EIF3K: variants seen among roughly 807,000 people sequenced by gnomAD.
EIF3K encodes the protein eukaryotic translation initiation factor 3 subunit K.
Under a neutral mutation model 34.2 loss-of-function variants are expected in EIF3K, and 27 were observed. That is an observed-to-expected ratio of 0.79 (90% CI 0.58 to 1.09). The LOEUF (loss-of-function observed/expected upper bound fraction) is 1.09. Ranked by LOEUF, EIF3K falls within the 50% of genes least tolerant of loss-of-function variation. The pLI is 0.00. For missense variants in EIF3K, 232 were observed against 275.4 expected, an observed-to-expected ratio of 0.84 and a Z score of 1.11; for synonymous variants, 105 against 105.7, an observed-to-expected ratio of 0.99 and a Z score of 0.04.
chr19:38,624,307 G>C, intron 3 of EIF3K, 110 bp downstream of exon 3: 1 of 1,515,940 alleles, frequency 6.6e-7, no homozygotes, highest in East Asian at 2.4e-5. Context: ...ACAAGTGCCT[G>C]CTCTGGTCCA....
chr19:38,631,922 T>G (rs993907757), intron 4 of EIF3K: 31 of 216,856 alleles, frequency 1.4e-4, no homozygotes, highest in Non-Finnish European at 2.3e-4. Context: ...TTAATCCATT[T>G]AACCCTGAGT....
At chr19:38,628,955 T>C (rs1976004404) in intron 4 of EIF3K, among the ~76,000 whole-genome samples, 1 of 152,210 alleles carries the variant, frequency 6.6e-6, no homozygotes, top group Non-Finnish European at 1.5e-5. Context: ...CCTCAACTTA[T>C]GATCTGGCTT....
intron 1 of EIF3K, among the ~76,000 whole-genome samples, chr19:38,619,678 G>T (rs1308836091): frequency 6.6e-6 from 1 of 152,320 alleles, no homozygotes; most frequent in African/African-American, 2.4e-5. Context: ...TTGCCTTAAG[G>T]TTTCCTTCTC....
intron 7 of EIF3K, chr19:38,635,344 T>C: frequency 1.6e-6 from 1 of 609,986 alleles, no homozygotes; most frequent in Non-Finnish European, 2.8e-6. Flanking sequence ...TCCTGCCCCA[T>C]AGCACTCAGC....
intron 1 of EIF3K, 137 bp from the exon 2 acceptor site, chr19:38,620,200 C>G: frequency 1.0e-5 from 7 of 675,274 alleles, no homozygotes; most frequent in Non-Finnish European, 1.8e-5. Flanking sequence ...AATTCACTAC[C>G]TGGATAGAGC....
intron 4 of EIF3K, among the ~76,000 whole-genome samples, chr19:38,629,311 T>G (rs941224695): frequency 7.1e-6 from 1 of 141,746 alleles, no homozygotes; most frequent in African/African-American, 2.6e-5. Flanking sequence ...GTTTTGTTTT[T>G]TGAGACAGGG....
At chr19:38,628,200 G>C (rs535605535) in intron 4 of EIF3K, among the ~76,000 whole-genome samples, 1 of 151,550 alleles carries the variant, frequency 6.6e-6, no homozygotes, top group Non-Finnish European at 1.5e-5. Context: ...CACCACGCCC[G>C]GACCTCTGAG....
At chr19:38,624,978 C>T (rs998657266) in intron 3 of EIF3K, among the ~76,000 whole-genome samples, 2 of 152,050 alleles carry the variant, frequency 1.3e-5, no homozygotes, top group African/African-American at 4.8e-5. Context: ...AAACCAGGGC[C>T]TCCTGGAGGA....
At position 38,635,129 on chromosome 19, in the gene EIF3K, A is replaced by G; in HGVS notation, c.625+11A>G. 10 of 1,614,136 alleles carry G rather than the reference A, an allele frequency of 6.2e-6. No homozygotes were observed. The highest frequency in any genetic ancestry group is 8.5e-6 in the Non-Finnish European group (10 of 1,180,038). ...AGATTGACTTTGACAGTGAGTGGTG[A>G]CCCACGGCCTCGGGCTTTGGGGCTA... On this transcript the variant is annotated intron_variant, in intron 7 of 7. Transcript: ENST00000248342.
intron 1 of EIF3K, 62 bp from the exon 2 acceptor site, chr19:38,620,275 C>A: frequency 1.4e-6 from 2 of 1,446,614 alleles, no homozygotes; most frequent in Non-Finnish European, 1.9e-6. Context: ...CCCCTTGCTC[C>A]ATAAGGTGGC....
intron 4 of EIF3K, among the ~76,000 whole-genome samples, chr19:38,629,570 C>T (rs1976018622): frequency 6.6e-6 from 1 of 152,190 alleles, no homozygotes; most frequent in South Asian, 2.1e-4. Flanking sequence ...GCTGGGATTA[C>T]AGGTTGAGCC....
rs1975945869 is a variant in EIF3K at position 38,626,122 on chromosome 19, G to A, written c.354+20G>A. The A allele has an allele frequency of 1.9e-6, 3 of 1,611,954 alleles. No individual in the cohort carries two copies. Among genetic ancestry groups the A allele is most frequent in the South Asian group, 2.2e-5 (2 of 91,054 alleles). Reference sequence around the variant, plus strand: ...TTCTGGGTAACTTCCCTGGGGTCCAGGGGCAGGGGAGATGGCAGGGCCATG... The same window carrying A: ...TTCTGGGTAACTTCCCTGGGGTCCAAGGGCAGGGGAGATGGCAGGGCCATG... On this transcript the variant is annotated intron_variant, in intron 4 of 7. Coordinates refer to ENST00000248342, the MANE Select transcript of EIF3K (RefSeq NM_013234.4).
chr19:38,635,395 T>C (rs990398871), intron 7 of EIF3K: 3 of 499,704 alleles, frequency 6.0e-6, no homozygotes, highest in Non-Finnish European at 1.1e-5. Flanking sequence ...AGGGGGTCTC[T>C]GCACCCTTAT....
intron 6 of EIF3K, among the ~76,000 whole-genome samples, chr19:38,634,554 C>T (rs1220965171): frequency 1.3e-5 from 2 of 151,428 alleles, no homozygotes; most frequent in African/African-American, 2.4e-5. Flanking sequence ...GCCGAGATTG[C>T]GCCATTGCAC....
intron 4 of EIF3K, among the ~76,000 whole-genome samples, chr19:38,629,010 C>G (rs906056945): frequency 6.6e-6 from 1 of 152,132 alleles, no homozygotes; most frequent in Admixed American, 6.6e-5. Flanking sequence ...GAAATTGCAC[C>G]TGTTCCTATC....
Position 38,630,227 on chromosome 19 carries a change from C to T in EIF3K, c.355-2203C>T, listed in dbSNP as rs373629027. 1.1e-4 allele frequency among the ~76,000 whole-genome samples: 16 copies of T among 150,602 alleles called. No individual in the cohort carries two copies. The East Asian group carries it at 2.1e-3, about 20-fold the overall frequency. On this transcript the variant is annotated intron_variant, in intron 4 of 7. Transcript: ENST00000248342. ...AGAGTGCAGTGATATGATCTTGGCTCGCTGCAACCTCTGCCTCCCAGGTTC... is the reference window on the plus strand; with the variant it reads ...AGAGTGCAGTGATATGATCTTGGCTTGCTGCAACCTCTGCCTCCCAGGTTC...
intron 2 of EIF3K, among the ~76,000 whole-genome samples, chr19:38,620,881 C>T (rs181828021): frequency 7.4e-5 from 11 of 148,878 alleles, no homozygotes; most frequent in African/African-American, 2.0e-4. Context: ...GCAACAAGAC[C>T]GAAACTCCGT....
intron 6 of EIF3K, among the ~76,000 whole-genome samples, chr19:38,634,763 C>A (rs756463353): frequency 2.6e-5 from 4 of 152,190 alleles, no homozygotes; most frequent in Non-Finnish European, 5.9e-5. Flanking sequence ...AGAAGCCCCA[C>A]GATGAGGCTG....
intron 1 of EIF3K, 78 bp from the exon 2 acceptor site, chr19:38,620,253 AGGTTAC>A: frequency 9.1e-7 from 1 of 1,100,944 alleles, no homozygotes. Flanking sequence ...CGGGAGGAGC[AGGTTAC>A]AGTGGCCCCT....
Sources: allele counts gnomAD v4.1 joint callset (sites outside exome capture counted in the v4.1 genomes callset), GRCh38; gene constraint gnomAD v4.1.1; transcripts MANE v1.5; gene names NCBI Gene and HGNC (gene_info 2026-07-23, HGNC 2026-07-21).